The following NAV3 variants were observed in gnomAD, a reference collection of about 807,000 sequenced individuals.
NAV3 encodes neuron navigator 3.
A neutral mutation model predicts 244.7 loss-of-function variants in NAV3; 87 were observed. That is an observed-to-expected ratio of 0.36 (90% confidence interval 0.30 to 0.42). The LOEUF (loss-of-function observed/expected upper bound fraction) is 0.42. Ranked by LOEUF, NAV3 falls within the 20% of genes least tolerant of loss-of-function variation. The pLI is 1.00. For missense variants in NAV3, 2,663 were observed against 2,893.3 expected (o/e 0.92, Z 1.83); for synonymous variants, 1,126 against 1,042.2 (o/e 1.08, Z -1.55).
chr12:78,139,512 A>G (rs17823613), intron 19 of NAV3, among the ~76,000 whole-genome samples: 1,619 of 152,318 alleles, frequency 0.011, 14 homozygotes, highest in Non-Finnish European at 0.015. Flanking sequence ...TGTTTAATGC[A>G]CAATGAGCAG....
At chr12:78,128,913 C>A (rs1326886373) in intron 18 of NAV3, 47 bp downstream of exon 18, 3 of 1,559,764 alleles carry the variant, frequency 1.9e-6, no homozygotes, top group African/African-American at 2.7e-5. Context: ...TTTCACCACC[C>A]ACTCTCACAG....
intron 5 of NAV3, among the ~76,000 whole-genome samples, chr12:77,979,183 G>C (rs1266964196): frequency 8.0e-5 from 12 of 149,090 alleles, no homozygotes; most frequent in Non-Finnish European, 7.4e-5. Context: ...AGACCAGCCT[G>C]GTCAACACTG....
intron 39 of NAV3, 118 bp from the exon 40 acceptor site, chr12:78,210,280 T>C: frequency 4.8e-6 from 7 of 1,454,714 alleles, no homozygotes; most frequent in Non-Finnish European, 5.6e-6. Context: ...AAAATTATTT[T>C]CCCCTGTTAC....
At chr12:77,918,887 T>TTCAAGATTGGAGAAATAGACTCCA (rs1170574803) in intron 1 of NAV3, among the ~76,000 whole-genome samples, 1 of 151,966 alleles carries the variant, frequency 6.6e-6, no homozygotes, top group Non-Finnish European at 1.5e-5. Context: ...CCAACCCAAA[T>TTCAAGATTGGAGAAATAGACTCCA]TCAAGATTGG....
intron 2 of NAV3, among the ~76,000 whole-genome samples, chr12:77,763,872 C>G (rs140082999): frequency 6.6e-6 from 1 of 152,268 alleles, no homozygotes; most frequent in East Asian, 1.9e-4. Context: ...TTAAAACACC[C>G]CATCCAGATA....
At chr12:78,024,703 T>C (rs28534026) in intron 9 of NAV3, among the ~76,000 whole-genome samples, 9,540 of 152,138 alleles carry the variant, frequency 0.063, 957 homozygotes, top group African/African-American at 0.21. Flanking sequence ...CCTGGCCGGG[T>C]GCGGTGTCTC....
At chr12:78,128,249 A>G (rs1297535781) in intron 17 of NAV3, among the ~76,000 whole-genome samples, 2 of 144,402 alleles carry the variant, frequency 1.4e-5, no homozygotes, top group African/African-American at 5.2e-5. Context: ...CAGTTTAACA[A>G]AAGAACTGTT....
intron 1 of NAV3, among the ~76,000 whole-genome samples, chr12:77,841,524 T>G (rs1037768257): frequency 2.6e-5 from 4 of 152,216 alleles, no homozygotes; most frequent in African/African-American, 9.7e-5. Context: ...TCCACTTTTT[T>G]AATGCTCTCA....
At chr12:78,032,168 C>T (rs1337028727) in intron 9 of NAV3, among the ~76,000 whole-genome samples, 2 of 152,166 alleles carry the variant, frequency 1.3e-5, no homozygotes, top group African/African-American at 2.4e-5. Flanking sequence ...AAAATCATCC[C>T]TATTGCATGA....
intron 2 of NAV3, among the ~76,000 whole-genome samples, chr12:77,795,993 T>C (rs1340932916): frequency 6.6e-6 from 1 of 152,128 alleles, no homozygotes; most frequent in Non-Finnish European, 1.5e-5. Context: ...TGCAAGAAAA[T>C]TTGTGCTGTT....
At chr12:78,167,971 T>C (rs116739954) in intron 23 of NAV3, among the ~76,000 whole-genome samples, 4,278 of 151,224 alleles carry the variant, frequency 0.028, 221 homozygotes, top group African/African-American at 0.096. Flanking sequence ...TGTGCAAATA[T>C]TTTTATTGGG....
At chr12:77,859,547 A>G (rs956643520) in intron 1 of NAV3, among the ~76,000 whole-genome samples, 106 of 151,928 alleles carry the variant, frequency 7.0e-4, no homozygotes, top group Non-Finnish European at 1.4e-3. Flanking sequence ...GCAGCGCACC[A>G]GCATGGCACA....
At chr12:77,970,027 A>C (rs1892866892) in intron 5 of NAV3, among the ~76,000 whole-genome samples, 1 of 152,198 alleles carries the variant, frequency 6.6e-6, no homozygotes, top group South Asian at 2.1e-4. Context: ...TTACATATCA[A>C]AATAAATGAT....
At chr12:77,673,004 A>C (rs1007473276) in intron 2 of NAV3, among the ~76,000 whole-genome samples, 5 of 152,044 alleles carry the variant, frequency 3.3e-5, no homozygotes, top group African/African-American at 1.2e-4. Flanking sequence ...CGTGATATGT[A>C]TTTGTACATT....
At chr12:77,999,777 T>C (rs935145031) in intron 7 of NAV3, among the ~76,000 whole-genome samples, 1 of 151,536 alleles carries the variant, frequency 6.6e-6, no homozygotes, top group African/African-American at 2.4e-5. Context: ...CTAAGGGAGG[T>C]GACAGTCGCT....
At chr12:77,989,626 T>G (rs2136340241) in intron 5 of NAV3, among the ~76,000 whole-genome samples, 1 of 152,274 alleles carries the variant, frequency 6.6e-6, no homozygotes, top group East Asian at 1.9e-4. Context: ...CTGTTAGTAG[T>G]TGAGATCATG....
At chr12:78,035,104 AAAGT>A (rs1879625960) in intron 9 of NAV3, among the ~76,000 whole-genome samples, 1 of 152,184 alleles carries the variant, frequency 6.6e-6, no homozygotes, top group Admixed American at 6.5e-5. Context: ...TTAACTTTAC[AAAGT>A]AAGTGGTTAT....
intron 12 of NAV3, among the ~76,000 whole-genome samples, chr12:78,113,315 T>C (rs1307222379): frequency 6.6e-6 from 1 of 152,242 alleles, no homozygotes; most frequent in Non-Finnish European, 1.5e-5. Context: ...GTGGGGACTC[T>C]GTGTGGGGGC....
At chr12:77,873,695 A>ATATG (rs1881361418) in intron 1 of NAV3, among the ~76,000 whole-genome samples, 1 of 99,982 alleles carries the variant, frequency 1.0e-5, no homozygotes, top group Non-Finnish European at 2.0e-5. Context: ...ATATATATAT[A>ATATG]TATATATATA....
Sources: gnomAD v4.1 joint callset for allele counts (sites outside exome capture counted in the v4.1 genomes callset) on GRCh38, gnomAD v4.1.1 for gene constraint, MANE v1.5 for transcripts, NCBI Gene and HGNC (gene_info 2026-07-23, HGNC 2026-07-21) for gene names.